ARHGAP45: variants seen among roughly 807,000 people sequenced by gnomAD.
ARHGAP45 encodes Rho GTPase activating protein 45.
In ARHGAP45, 56 loss-of-function variants were observed where a neutral mutation model predicts 116.1. The ratio of observed to expected loss-of-function variants is 0.48; its 90% CI spans 0.39 to 0.60. The LOEUF is 0.60. ARHGAP45 is among the 20% of genes least tolerant of loss of function. ARHGAP45 has a pLI of 0.00. For missense variants in ARHGAP45, 1,622 were observed against 1,601.0 expected (o/e 1.01, Z -0.22); for synonymous variants, 866 against 701.7 (o/e 1.23, Z -3.70).
intron 10 of ARHGAP45, 149 bp from the exon 11 acceptor site, chr19:1,077,708 C>T (rs961597355): frequency 2.5e-5 from 37 of 1,489,368 alleles, no homozygotes; most frequent in African/African-American, 8.4e-5. Flanking sequence ...TTTCCGCTGC[C>T]GATTGTTGTG....
At chr19:1,079,503 C>CAAAAAA (rs35895776) in intron 11 of ARHGAP45, among the ~76,000 whole-genome samples, 200 bp from the exon 12 acceptor site, 2 of 112,244 alleles carry the variant, frequency 1.8e-5, no homozygotes, top group South Asian at 3.2e-4. Flanking sequence ...GACTCCATCT[C>CAAAAAA]AAAAAAAAAA....
chr19:1,067,807 G>C, intron 1 of ARHGAP45: 1 of 614,166 alleles, frequency 1.6e-6, no homozygotes, highest in Non-Finnish European at 2.9e-6. Flanking sequence ...GGGGGCTTAG[G>C]CAATCTGGGG....
In ARHGAP45 at chr19:1,074,880, G is replaced by C; in HGVS notation, c.1185+1G>C. 6.7e-7 allele frequency: 1 copy of C among 1,500,208 alleles called. No homozygotes were observed. The highest frequency in any genetic ancestry group is 9.0e-7 in the Non-Finnish European group (1 of 1,111,184). The allele number at this position is 1,500,208 out of a possible 1,614,324, so 92.9% of individuals were successfully genotyped here. A position where few individuals can be genotyped will look rare whatever the true frequency, so the allele number is the denominator to read the frequency against. Reference sequence around the variant, plus strand: ...CTGGCACCGTGCCCAGAGGAAGCTGGTGAGGCGGGCGGGCGGGGGCGGGCG... The same window carrying C: ...CTGGCACCGTGCCCAGAGGAAGCTGCTGAGGCGGGCGGGCGGGGGCGGGCG... On this transcript the variant is annotated splice_donor_variant, in intron 10 of 22. Coordinates refer to ENST00000313093, the MANE Select transcript of ARHGAP45 (RefSeq NM_012292.5). LOFTEE classifies it high-confidence loss of function.
At position 1,085,905 on chromosome 19, in the gene ARHGAP45, C is replaced by T. The variant is rs1335415544; in HGVS notation, c.3310C>T (p.Gln1104Ter). Residue 1104 changes from glutamine (Q) to a stop codon, truncating the protein, a stop_gained, in exon 23 of 23, where the codon CAG becomes TAG. Transcript: ENST00000313093. LOFTEE classifies it low-confidence loss of function (END_TRUNC). ...AQQLSGFNTN[Q>*]SNNVLQAPLP... ...GCAGCTCTCAGGATTCAACACCAACCAGTCCAACAACGTGCTGCAGGCCCC... is the reference window on the plus strand; with the variant it reads ...GCAGCTCTCAGGATTCAACACCAACTAGTCCAACAACGTGCTGCAGGCCCC... 2 of 1,612,820 alleles carry T rather than the reference C, an allele frequency of 1.2e-6. No individual in the cohort carries two copies. The highest frequency in any genetic ancestry group is 1.7e-5 in the Admixed American group (1 of 59,996).
intron 19 of ARHGAP45, 48 bp downstream of exon 19, chr19:1,082,009 C>G: frequency 8.8e-6 from 14 of 1,582,640 alleles, no homozygotes; most frequent in Non-Finnish European, 1.2e-5. Flanking sequence ...GGGGCGTAGC[C>G]AGGCAGGAGG....
At chr19:1,073,642 G>A (rs369458987) in intron 4 of ARHGAP45, 32 bp from the exon 5 acceptor site, 9 of 1,610,970 alleles carry the variant, frequency 5.6e-6, no homozygotes, top group South Asian at 2.2e-5. Flanking sequence ...GGGCCCGGGT[G>A]TCTCTCGATG....
In ARHGAP45 at chr19:1,079,967, G is replaced by A; in HGVS notation, c.1552G>A (p.Ala518Thr). The change falls in exon 13 of 23, where the codon GCG becomes ACG. Residue 518 changes from alanine (A) to threonine (T), a missense_variant. Physicochemically the swap from Ala to Thr is moderately conservative, Grantham distance 58 (BLOSUM62 0). This residue lies in a region of ARHGAP45 where 1,334 missense variants were observed against 1,263.8 expected (regional missense o/e 1.06). Coordinates refer to ENST00000313093, the MANE Select transcript of ARHGAP45 (RefSeq NM_012292.5). ...SYYQMMHMQT[A>T]PLPVHFQMLC... ...CTACCAGATGATGCATATGCAGACGGCGCCGCTGCCCGTGCACTTCCAGAT... is the reference window on the plus strand; with the variant it reads ...CTACCAGATGATGCATATGCAGACGACGCCGCTGCCCGTGCACTTCCAGAT... 2 of 1,612,640 alleles carry A rather than the reference G, an allele frequency of 1.2e-6. No individual in the cohort carries two copies. Among genetic ancestry groups the A allele is most frequent in the Non-Finnish European group, 8.5e-7 (1 of 1,179,680 alleles).
rs1174734676 is a variant in ARHGAP45 at position 1,071,490 on chromosome 19, C to T, written c.422-1659C>T. ...CCTGGCCGTGCGCACCTGGGCATCC[C>T]TGCGCTGCGCAGGGGTCGCGCCGGC... On this transcript the variant is annotated intron_variant, in intron 2 of 22. Coordinates refer to ENST00000313093, the MANE Select transcript of ARHGAP45 (RefSeq NM_012292.5). The surrounding 1 kb of genome is among the most constrained non-coding windows in gnomAD (Gnocchi z 4.6). 1.5e-6 allele frequency: 1 copy of T among 685,666 alleles called. No homozygotes were observed. Among genetic ancestry groups the T allele is most frequent in the East Asian group, 1.0e-4 (1 of 9,868 alleles). The allele number at this position is 685,666 out of a possible 1,614,324, so 42.5% of individuals were successfully genotyped here. A position where few individuals can be genotyped will look rare whatever the true frequency, so the allele number is the denominator to read the frequency against.
Position 1,081,841 on chromosome 19 carries a change from TG to T in ARHGAP45, c.2401del (p.Val801Ter). ...LRTKGIYRVN[G>X]VKTRVEKLCQ... Reference sequence around the variant, plus strand: ...TCCCGCAGGGCATCTACCGGGTCAATGGGGTAAAGACACGCGTGGAGAAGCT... The same window carrying T: ...TCCCGCAGGGCATCTACCGGGTCAATGGGTAAAGACACGCGTGGAGAAGCT... On this transcript the variant is annotated frameshift_variant, in exon 19 of 23. Coordinates refer to ENST00000313093, the MANE Select transcript of ARHGAP45 (RefSeq NM_012292.5). LOFTEE classifies it high-confidence loss of function. 6.2e-7 allele frequency: 1 copy of T among 1,610,810 alleles called. No individual in the cohort carries two copies. Among genetic ancestry groups the T allele is most frequent in the Non-Finnish European group, 8.5e-7 (1 of 1,179,028 alleles).
rs766117066 is a variant in ARHGAP45 at position 1,085,881 on chromosome 19, C to G, written c.3286C>G (p.Gln1096Glu). Residue 1096 changes from glutamine (Q) to glutamate (E), a missense_variant, in exon 23 of 23, where the codon CAG becomes GAG. Gln to Glu is a conservative substitution (Grantham distance 29). Around this residue, in one of 3 missense-constraint regions of ARHGAP45, gnomAD observed 1,334 missense variants for 1,263.8 expected, o/e 1.06. Transcript: ENST00000313093. ...GDGDEDGPAQ[Q>E]LSGFNTNQSN... is the part of the protein sequence containing the mutation. ...CGGGGACGAGGACGGCCCGGCCCAG[C>G]AGCTCTCAGGATTCAACACCAACCA... 6.2e-7 allele frequency: 1 copy of G among 1,612,514 alleles called. No homozygotes were observed. Among genetic ancestry groups the G allele is most frequent in the Non-Finnish European group, 8.5e-7 (1 of 1,179,950 alleles).
rs937463701 is a variant in ARHGAP45, at chr19:1,069,329, G to A, written c.421+585G>A. Among the ~76,000 whole-genome samples, 3 of 152,210 alleles carry A rather than the reference G, an allele frequency of 2.0e-5. No individual in the cohort carries two copies. Among genetic ancestry groups the A allele is most frequent in the African/African-American group, 7.2e-5 (3 of 41,454 alleles). ...CCGTTTTCTCCTCCACGCGGCCGCT[G>A]ACAGCCCTGCTTCCTGCCGAGTTAT... is the stretch of plus-strand genomic sequence containing the variant. On this transcript the variant is annotated intron_variant, in intron 2 of 22. Coordinates refer to ENST00000313093, the MANE Select transcript of ARHGAP45 (RefSeq NM_012292.5). The surrounding 1 kb of genome is among the most constrained non-coding windows in gnomAD (Gnocchi z 4.1).
chr19:1,082,964 A>G lies in ARHGAP45; in HGVS notation c.2642A>G (p.Glu881Gly). The G allele has an allele frequency of 6.4e-7, 1 of 1,567,134 alleles. No individual in the cohort carries two copies. Among genetic ancestry groups the G allele is most frequent in the Admixed American group, 1.9e-5 (1 of 53,898 alleles). Residue 881 changes from glutamate (E) to glycine (G), a missense_variant, in exon 20 of 23, where the codon GAG becomes GGG. By Grantham distance (98) the Glu-to-Gly change is moderately conservative (BLOSUM62 -2). This residue lies in a region of ARHGAP45 where 1,334 missense variants were observed against 1,263.8 expected (regional missense o/e 1.06). Transcript: ENST00000313093. ...GGCCGGCAGGACGGCTCGGAGAGCG[A>G]GGCAGTGGCGGTGGCCCTGGCAGGT... ...SRGRQDGSES[E>G]AVAVALAGRL...
Position 1,074,359 on chromosome 19 carries a change from G to C in ARHGAP45, c.945G>C (p.Lys315Asn). Residue 315 changes from lysine (K) to asparagine (N), a missense_variant, in exon 8 of 23, where the codon AAG becomes AAC. Transcript: ENST00000313093. ...GGCCCGCAGAGATGGAGTTTGCCAAGGGCCTGCAGAAGATCGCTCACAACT... is the reference window on the plus strand; with the variant it reads ...GGCCCGCAGAGATGGAGTTTGCCAACGGCCTGCAGAAGATCGCTCACAACT... ...KRTTLEMEFA[K>N]GLQKIAHNCR... The C allele has an allele frequency of 6.2e-7, 1 of 1,607,472 alleles. No homozygotes were observed. The highest frequency in any genetic ancestry group is 8.5e-7 in the Non-Finnish European group (1 of 1,177,198).
At chr19:1,077,374 C>CTT (rs34571690) in intron 10 of ARHGAP45, 19,427 of 902,562 alleles carry the variant, frequency 0.022, 55 homozygotes, top group Non-Finnish European at 0.023. Flanking sequence ...TCCTCCCGTT[C>CTT]TTTTTTTTTT....
rs1446734364 is a variant in ARHGAP45 at position 1,080,937 on chromosome 19, G to A, written c.2063G>A (p.Ser688Asn). Reference sequence around the variant, plus strand: ...CCCGAGCTGCCGGTGGCCGTGCCCAGTGGACCGTTCCGCCACGAGGGGCTG... The same window carrying A: ...CCCGAGCTGCCGGTGGCCGTGCCCAATGGACCGTTCCGCCACGAGGGGCTG... ...MTPELPVAVP[S>N]GPFRHEGLSK... Residue 688 changes from serine (S) to asparagine (N), a missense_variant, in exon 17 of 23, where the codon AGT becomes AAT. Ser to Asn is a conservative substitution (Grantham distance 46). Coordinates refer to ENST00000313093, the MANE Select transcript of ARHGAP45 (RefSeq NM_012292.5). 1 of 1,609,864 alleles carries A rather than the reference G, an allele frequency of 6.2e-7. No individual in the cohort carries two copies. The highest frequency in any genetic ancestry group is 1.3e-5 in the African/African-American group (1 of 74,902).
rs1419657037 is a variant in ARHGAP45, at chr19:1,074,787, G to A, written c.1105-12G>A. 1 of 1,600,746 alleles carries A rather than the reference G, an allele frequency of 6.2e-7. No individual in the cohort carries two copies. The highest frequency in any genetic ancestry group is 8.5e-7 in the Non-Finnish European group (1 of 1,175,720). ...TCACCGGGGTACCCACTCACGGCCC[G>A]TCTCGCCCCAGCCCCTGACCCTGCG... On this transcript the variant is annotated splice_polypyrimidine_tract_variant and intron_variant, in intron 9 of 22. Coordinates refer to ENST00000313093, the MANE Select transcript of ARHGAP45 (RefSeq NM_012292.5).
rs1170474813 is a variant in ARHGAP45, at chr19:1,080,943, C to T, written c.2069C>T (p.Pro690Leu). The part of the protein sequence containing the change: ...PELPVAVPSG[P>L]FRHEGLSKAA... Reference sequence around the variant, plus strand: ...CTGCCGGTGGCCGTGCCCAGTGGACCGTTCCGCCACGAGGGGCTGTCCAAG... The same window carrying T: ...CTGCCGGTGGCCGTGCCCAGTGGACTGTTCCGCCACGAGGGGCTGTCCAAG... Residue 690 changes from proline (P) to leucine (L), a missense_variant, in exon 17 of 23, where the codon CCG (proline) becomes CTG (leucine). Physicochemically the swap from Pro to Leu is moderately conservative, Grantham distance 98. Transcript: ENST00000313093. The T allele has an allele frequency of 1.2e-6, 2 of 1,609,318 alleles. No homozygotes were observed. The highest frequency in any genetic ancestry group is 3.4e-5 in the Admixed American group (2 of 59,656).
chr19:1,074,571 C>T, intron 8 of ARHGAP45, 43 bp from the exon 9 acceptor site: 1 of 1,490,094 alleles, frequency 6.7e-7, no homozygotes, highest in Non-Finnish European at 9.0e-7. Flanking sequence ...GGCCGCCCTG[C>T]CTCCATCCCT....
Position 1,071,238 on chromosome 19 carries a change from C to A in ARHGAP45, c.422-1911C>A. On this transcript the variant is annotated intron_variant, in intron 2 of 22. Coordinates refer to ENST00000313093, the MANE Select transcript of ARHGAP45 (RefSeq NM_012292.5). This position sits in a 1 kb window ranked among gnomAD's most constrained non-coding sequence, Gnocchi z 4.6. ...TTGGCCACCGGAGACCCCCATCGGT[C>A]AGCTGCCAGGCCCCACGCGCTCGCG... is the stretch of plus-strand genomic sequence containing the variant. 2 of 1,469,646 alleles carry A rather than the reference C, an allele frequency of 1.4e-6. No homozygotes were observed. Among genetic ancestry groups the A allele is most frequent in the South Asian group, 2.5e-5 (2 of 80,264 alleles). The allele number at this position is 1,469,646 out of a possible 1,614,324, so 91.0% of individuals were successfully genotyped here. A position where few individuals can be genotyped will look rare whatever the true frequency, so the allele number is the denominator to read the frequency against.
Sources: gnomAD v4.1 joint callset for allele counts (sites outside exome capture counted in the v4.1 genomes callset) on GRCh38, gnomAD v4.1.1 for gene constraint, gnomAD v4.1.1 regional missense constraint, Gnocchi (gnomAD v3.1) non-coding constraint, MANE v1.5 for transcripts, NCBI Gene and HGNC (gene_info 2026-07-23, HGNC 2026-07-21) for gene names.